EPHA6: variants seen among roughly 807,000 people sequenced by gnomAD.
EPHA6 encodes EPH receptor A6.
In EPHA6, 50 loss-of-function variants were observed where a neutral mutation model predicts 112.0. The ratio of observed to expected loss-of-function variants is 0.45; its 90% CI spans 0.36 to 0.56. The LOEUF is 0.56. EPHA6 is among the 20% of genes least tolerant of loss of function. The pLI is 0.00. For synonymous variants in EPHA6, 529 were observed against 490.7 expected (o/e 1.08, Z -1.03); for missense variants, 1,280 against 1,417.4 (o/e 0.90, Z 1.56).
At chr3:97,596,906 G>GTATATATATATATA (rs1198437621) in intron 12 of EPHA6, among the ~76,000 whole-genome samples, 1 of 92,882 alleles carries the variant, frequency 1.1e-5, no homozygotes, top group Admixed American at 1.0e-4. Flanking sequence ...ATATATATAT[G>GTATATATATATATA]TATGTATATA....
At chr3:97,638,984 T>C (rs2093977731) in intron 14 of EPHA6, among the ~76,000 whole-genome samples, 1 of 152,132 alleles carries the variant, frequency 6.6e-6, no homozygotes, top group Non-Finnish European at 1.5e-5. Context: ...TCTATGAGTT[T>C]TTTTGAAACT....
chr3:97,473,126 CTAT>C (rs2091274452), intron 7 of EPHA6, among the ~76,000 whole-genome samples: 3 of 151,614 alleles, frequency 2.0e-5, no homozygotes, highest in Admixed American at 2.0e-4. Context: ...GCCTCACAAT[CTAT>C]AGCATTTTAC....
At chr3:97,650,735 A>G (rs1340865263) in intron 14 of EPHA6, among the ~76,000 whole-genome samples, 1 of 151,396 alleles carries the variant, frequency 6.6e-6, no homozygotes, top group East Asian at 1.9e-4. Flanking sequence ...AAAGAAGAGG[A>G]CTCTACTCTT....
chr3:96,844,384 C>T (rs2034944434), intron 1 of EPHA6, among the ~76,000 whole-genome samples: 1 of 152,136 alleles, frequency 6.6e-6, no homozygotes, highest in Admixed American at 6.6e-5. Context: ...AAATGTATGT[C>T]ATGCATTCTT....
chr3:97,686,007 G>A (rs1211987053), intron 14 of EPHA6, among the ~76,000 whole-genome samples: 1 of 152,098 alleles, frequency 6.6e-6, no homozygotes, highest in Non-Finnish European at 1.5e-5. Context: ...TATTCTTGGT[G>A]AGAAATTATG....
At chr3:97,446,104 T>C (rs772293357) in intron 6 of EPHA6, among the ~76,000 whole-genome samples, 6 of 152,188 alleles carry the variant, frequency 3.9e-5, no homozygotes, top group Non-Finnish European at 7.3e-5. Context: ...TCTGGGACGA[T>C]AGTGTCCTAC....
chr3:97,371,563 G>A (rs780608206), intron 5 of EPHA6, among the ~76,000 whole-genome samples: 24 of 152,128 alleles, frequency 1.6e-4, no homozygotes, highest in Admixed American at 2.6e-4. Context: ...GCCTCAGGAC[G>A]CTGTGATGAT....
At chr3:97,058,845 G>A (rs1488665546) in intron 3 of EPHA6, among the ~76,000 whole-genome samples, 3 of 152,134 alleles carry the variant, frequency 2.0e-5, no homozygotes, top group African/African-American at 4.8e-5. Flanking sequence ...ATGTCAGTAA[G>A]ATTGTTTTTA....
chr3:96,847,860 T>A (rs898478768), intron 1 of EPHA6, among the ~76,000 whole-genome samples: 1 of 152,122 alleles, frequency 6.6e-6, no homozygotes, highest in Non-Finnish European at 1.5e-5. Context: ...ATCATGTTCA[T>A]TCATTCAGTA....
intron 3 of EPHA6, among the ~76,000 whole-genome samples, chr3:97,115,159 G>A (rs2047847312): frequency 6.6e-6 from 1 of 151,906 alleles, no homozygotes; most frequent in Non-Finnish European, 1.5e-5. Flanking sequence ...TGGCTATGTA[G>A]GGATTTTTGT....
At position 97,756,266 on chromosome 3, in the gene EPHA6, A is replaced by G. The variant is rs1351237013; in HGVS notation, c.*7565A>G. 1.3e-5 allele frequency among the ~76,000 whole-genome samples: 2 copies of G among 151,984 alleles called. No homozygotes were observed. Among genetic ancestry groups the G allele is most frequent in the African/African-American group, 2.4e-5 (1 of 41,440 alleles). Reference sequence around the variant, plus strand: ...CAAAATTGTAGCCTTTAGAAGCTCTATAACAAAAATCAATGGCCAATAACT... The same window carrying G: ...CAAAATTGTAGCCTTTAGAAGCTCTGTAACAAAAATCAATGGCCAATAACT... On this transcript the variant is annotated 3_prime_UTR_variant, in exon 18 of 18. Transcript: ENST00000389672.
chr3:97,176,074 C>T (rs2108439501), intron 3 of EPHA6, among the ~76,000 whole-genome samples: 1 of 151,896 alleles, frequency 6.6e-6, no homozygotes, highest in South Asian at 2.1e-4. Flanking sequence ...GAGGTGTGTT[C>T]TTTCAATACT....
At chr3:97,705,044 C>G (rs367922977) in intron 14 of EPHA6, among the ~76,000 whole-genome samples, 2 of 152,230 alleles carry the variant, frequency 1.3e-5, no homozygotes, top group East Asian at 3.9e-4. Context: ...TTATCATCCC[C>G]TTGCTTAAAG....
intron 3 of EPHA6, among the ~76,000 whole-genome samples, chr3:97,034,605 G>A (rs933504683): frequency 3.3e-5 from 5 of 151,838 alleles, no homozygotes; most frequent in African/African-American, 9.7e-5. Context: ...ACTCAGTTGT[G>A]TCTGAACAGA....
chr3:97,162,670 T>C lies in EPHA6; in HGVS notation c.1115-63594T>C, dbSNP rs145263816. ...AAGGGTGAGAGAAAGATTAACAGTG[T>C]AAATTTTTGGCAGCGTTTTGAGGTC... On this transcript the variant is annotated intron_variant, in intron 3 of 17. Transcript: ENST00000389672. Among the ~76,000 whole-genome samples the C allele has an allele frequency of 3.2e-3, 482 of 152,206 alleles. 3 individuals are homozygous for C. Among genetic ancestry groups the C allele is most frequent in the African/African-American group, 0.011 (466 of 41,548 alleles).
At chr3:97,100,297 G>T (rs1300441689) in intron 3 of EPHA6, among the ~76,000 whole-genome samples, 1 of 150,516 alleles carries the variant, frequency 6.6e-6, no homozygotes, top group Admixed American at 6.7e-5. Flanking sequence ...TCTCTAAGCA[G>T]TTTTGATGAC....
Position 97,757,843 on chromosome 3 carries a change from A to G in EPHA6, c.*9142A>G, listed in dbSNP as rs1363332256. ...TTAAAAAAGAGCCATTGTATTTTTT[A>G]TATTTCCATTCAGTCTCATTATGCT... On this transcript the variant is annotated 3_prime_UTR_variant, in exon 18 of 18. Coordinates refer to ENST00000389672, the MANE Select transcript of EPHA6 (RefSeq NM_001080448.3). 6.6e-6 allele frequency among the ~76,000 whole-genome samples: 1 copy of G among 151,854 alleles called. No homozygotes were observed. The highest frequency in any genetic ancestry group is 1.5e-5 in the Non-Finnish European group (1 of 67,776).
intron 3 of EPHA6, among the ~76,000 whole-genome samples, chr3:97,134,733 C>T (rs1444393843): frequency 1.3e-5 from 2 of 151,850 alleles, no homozygotes; most frequent in East Asian, 1.9e-4. Flanking sequence ...TTCAAATTTA[C>T]AGATTAAAAA....
At chr3:96,843,358 G>C (rs1289342356) in intron 1 of EPHA6, among the ~76,000 whole-genome samples, 1 of 152,040 alleles carries the variant, frequency 6.6e-6, no homozygotes, top group Non-Finnish European at 1.5e-5. Flanking sequence ...TTTGGGACTT[G>C]ATAGTTAAGG....
Sources: gnomAD v4.1 joint callset for allele counts (sites outside exome capture counted in the v4.1 genomes callset) on GRCh38, gnomAD v4.1.1 for gene constraint, MANE v1.5 for transcripts, NCBI Gene and HGNC (gene_info 2026-07-23, HGNC 2026-07-21) for gene names.